The following SYN3 variants were observed in gnomAD, a reference collection of about 807,000 sequenced individuals.
SYN3 encodes synapsin-3.
SYN3 carries 35 observed loss-of-function variants against 65.8 expected under a neutral mutation model. That is an observed-to-expected ratio of 0.53 (90% CI 0.41 to 0.70). SYN3 has a LOEUF of 0.70. Ranked by LOEUF, SYN3 falls within the 30% of genes least tolerant of loss-of-function variation. The pLI, the probability that SYN3 is intolerant of heterozygous loss-of-function variation, is 0.00. For missense variants in SYN3, 680 were observed against 749.0 expected (o/e 0.91, Z 1.08); for synonymous variants, 270 against 292.9 (o/e 0.92, Z 0.80).
intron 6 of SYN3, among the ~76,000 whole-genome samples, chr22:32,761,910 G>C (rs997637224): frequency 1.5e-4 from 23 of 152,198 alleles, no homozygotes; most frequent in African/African-American, 2.4e-5. Flanking sequence ...ACGGGATGGG[G>C]AAGGGGAAGA....
chr22:32,769,305 T>C (rs1010145088), intron 6 of SYN3, among the ~76,000 whole-genome samples: 1 of 152,190 alleles, frequency 6.6e-6, no homozygotes. Context: ...TGGTCATCAA[T>C]GACCTCCATG....
At chr22:32,608,947 CTCTT>C (rs984321253) in intron 6 of SYN3, among the ~76,000 whole-genome samples, 1 of 152,108 alleles carries the variant, frequency 6.6e-6, no homozygotes, top group Non-Finnish European at 1.5e-5. Context: ...ATAGCCATTG[CTCTT>C]TTTTTCTTCT....
At chr22:33,040,024 C>CT (rs199613520) in intron 1 of SYN3, among the ~76,000 whole-genome samples, 2 of 147,550 alleles carry the variant, frequency 1.4e-5, no homozygotes, top group South Asian at 2.1e-4. Context: ...AGATTATACA[C>CT]TTTTTTTTTC....
Position 32,513,697 on chromosome 22 carries a change from C to G in SYN3, c.1738G>C (p.Asp580His), listed in dbSNP as rs767838762. 1 of 1,614,026 alleles carries G rather than the reference C, an allele frequency of 6.2e-7. No homozygotes were observed. The highest frequency in any genetic ancestry group is 2.2e-5 in the East Asian group (1 of 44,870). The change falls in exon 14 of 14, where the codon GAC becomes CAC. Residue 580 changes from aspartate to histidine, a missense_variant. Physicochemically the swap from Asp to His is moderately conservative, Grantham distance 81 (BLOSUM62 -1). Transcript: ENST00000358763. ...CCCTCCCAGCCTGGATGGCGTTAGT[C>G]AGAGAACAGGCTGGCAAAAGACTTC... ...LRKSFASLFS[D>H]
At chr22:33,052,017 A>T (rs971267287) in intron 1 of SYN3, among the ~76,000 whole-genome samples, 1 of 152,054 alleles carries the variant, frequency 6.6e-6, no homozygotes, top group African/African-American at 2.4e-5. Context: ...TAAAACTTGG[A>T]TTAGGAAGGC....
chr22:32,936,107 A>G (rs1302020615), intron 3 of SYN3, among the ~76,000 whole-genome samples: 2 of 152,246 alleles, frequency 1.3e-5, no homozygotes, highest in African/African-American at 2.4e-5. Flanking sequence ...TCAAGTATTT[A>G]TAACATATAC....
intron 3 of SYN3, among the ~76,000 whole-genome samples, chr22:32,958,717 C>T (rs1394803254): frequency 6.6e-6 from 1 of 152,122 alleles, no homozygotes; most frequent in Non-Finnish European, 1.5e-5. Context: ...TAGAAAGGGG[C>T]ACCGAGGCAT....
intron 6 of SYN3, among the ~76,000 whole-genome samples, chr22:32,762,764 G>A (rs1569204986): frequency 6.6e-6 from 1 of 152,230 alleles, no homozygotes; most frequent in Non-Finnish European, 1.5e-5. Context: ...CCCACTTATT[G>A]ATAGGATGAT....
At chr22:32,582,713 G>A (rs1247339014) in intron 7 of SYN3, among the ~76,000 whole-genome samples, 2 of 152,120 alleles carry the variant, frequency 1.3e-5, no homozygotes, top group Non-Finnish European at 2.9e-5. Flanking sequence ...GCTCCCAGGT[G>A]ATACGGATGC....
intron 6 of SYN3, among the ~76,000 whole-genome samples, chr22:32,851,126 G>A (rs1370101616): frequency 6.6e-6 from 1 of 152,172 alleles, no homozygotes; most frequent in African/African-American, 2.4e-5. Flanking sequence ...TGGGGAACCA[G>A]CAAGAGCAAC....
At chr22:32,712,423 C>A (rs2060978278) in intron 6 of SYN3, among the ~76,000 whole-genome samples, 1 of 152,194 alleles carries the variant, frequency 6.6e-6, no homozygotes. Flanking sequence ...CTCACTGTAT[C>A]CCCAGTGTGT....
intron 6 of SYN3, among the ~76,000 whole-genome samples, chr22:32,756,800 T>C (rs1399614452): frequency 2.0e-5 from 3 of 152,214 alleles, no homozygotes; most frequent in Non-Finnish European, 2.9e-5. Flanking sequence ...GGGCCAGTCC[T>C]GTACAACCTG....
intron 4 of SYN3, among the ~76,000 whole-genome samples, chr22:32,921,492 C>T (rs936464120): frequency 1.5e-4 from 23 of 152,144 alleles, no homozygotes; most frequent in Non-Finnish European, 2.5e-4. Flanking sequence ...TGTCCACTCA[C>T]GCCAGCCTGG....
intron 5 of SYN3, among the ~76,000 whole-genome samples, chr22:32,868,530 T>C (rs1298051216): frequency 6.6e-6 from 1 of 151,854 alleles, no homozygotes; most frequent in Non-Finnish European, 1.5e-5. Context: ...AACCTCCGCC[T>C]CCCGGGTTCA....
At position 32,868,940 on chromosome 22, in the gene SYN3, C is replaced by A. The variant is rs780727352; in HGVS notation, c.621+26G>T. ...GCCACCCACTGCCTCCCAGATCCCTCCAGGTCAGCCTGCCCTGTCACCTAC... is the reference window on the plus strand; with the variant it reads ...GCCACCCACTGCCTCCCAGATCCCTACAGGTCAGCCTGCCCTGTCACCTAC... On this transcript the variant is annotated intron_variant, in intron 5 of 13. Transcript: ENST00000358763. 7 of 1,609,266 alleles carry A rather than the reference C, an allele frequency of 4.3e-6. No homozygotes were observed. The Admixed American group carries it at 5.0e-5, about 12-fold the overall frequency.
intron 5 of SYN3, 96 bp downstream of exon 5, chr22:32,868,870 A>G: frequency 3.3e-6 from 4 of 1,196,466 alleles, no homozygotes; most frequent in Non-Finnish European, 4.6e-6. Flanking sequence ...AATTTTTACT[A>G]CTGAGGCCTC....
chr22:32,623,953 G>C (rs763150043), intron 6 of SYN3, among the ~76,000 whole-genome samples: 12 of 152,036 alleles, frequency 7.9e-5, no homozygotes, highest in Non-Finnish European at 1.0e-4. Context: ...ATCTTGACAG[G>C]GTCCCCAAGG....
chr22:32,846,881 C>T (rs548498935), intron 6 of SYN3, among the ~76,000 whole-genome samples: 2 of 152,316 alleles, frequency 1.3e-5, no homozygotes, highest in South Asian at 4.1e-4. Flanking sequence ...TTTCACTGAA[C>T]TATCCTCAGA....
intron 4 of SYN3, among the ~76,000 whole-genome samples, chr22:32,906,376 T>A (rs941141798): frequency 3.2e-4 from 49 of 152,302 alleles, no homozygotes; most frequent in Admixed American, 2.3e-3. Flanking sequence ...GATTTAAAAA[T>A]GGAAAATTCC....
Sources: allele counts gnomAD v4.1 joint callset (sites outside exome capture counted in the v4.1 genomes callset), GRCh38; gene constraint gnomAD v4.1.1; transcripts MANE v1.5; gene names NCBI Gene and HGNC (gene_info 2026-07-23, HGNC 2026-07-21).